The following KBTBD11 variants were observed in gnomAD, a reference collection of about 807,000 sequenced individuals.
The protein encoded by KBTBD11 is kelch repeat and BTB domain-containing protein 11.
For synonymous variants in KBTBD11, 747 were observed against 499.0 expected, an observed-to-expected ratio of 1.50 and a Z score of -6.63; for missense variants, 1,390 against 1,001.8, an observed-to-expected ratio of 1.39 and a Z score of -5.23.
chr8:2,002,513 C>G lies in KBTBD11; in HGVS notation c.1321C>G (p.Leu441Val). 1 of 1,519,720 alleles carries G rather than the reference C, an allele frequency of 6.6e-7. No homozygotes were observed. The allele number at this position is 1,519,720 out of a possible 1,614,324, so 94.1% of individuals were successfully genotyped here. A position where few individuals can be genotyped will look rare whatever the true frequency, so the allele number is the denominator to read the frequency against. Residue 441 changes from leucine to valine, a missense_variant, in exon 2 of 2, where the codon CTG (leucine) becomes GTG (valine). Leu to Val is a conservative substitution (Grantham distance 32, BLOSUM62 1). Coordinates refer to ENST00000320248, the MANE Select transcript of KBTBD11 (RefSeq NM_014867.3). This position sits in a 1 kb window ranked among gnomAD's most constrained non-coding sequence, Gnocchi z 4.1. Reference protein sequence around the residue: ...RADRWAPVAPLPRGAFAVAHE... With the variant: ...RADRWAPVAPVPRGAFAVAHE... ...CGACCGCTGGGCCCCCGTGGCGCCGCTGCCCCGGGGCGCCTTCGCCGTGGC... is the reference window on the plus strand; with the variant it reads ...CGACCGCTGGGCCCCCGTGGCGCCGGTGCCCCGGGGCGCCTTCGCCGTGGC...
intron 1 of KBTBD11, among the ~76,000 whole-genome samples, chr8:1,977,846 A>T (rs1816401988): frequency 6.6e-6 from 1 of 152,076 alleles, no homozygotes; most frequent in South Asian, 2.1e-4. Context: ...CAGAGCAATT[A>T]TTTTTTAAAA....
intron 1 of KBTBD11, chr8:1,974,795 A>G: frequency 1.5e-6 from 1 of 669,542 alleles, no homozygotes; most frequent in Non-Finnish European, 1.8e-6. Flanking sequence ...GTCCTACAAA[A>G]CCACGTTTCC....
intron 1 of KBTBD11, among the ~76,000 whole-genome samples, chr8:1,978,031 G>T (rs1267154515): frequency 8.5e-5 from 13 of 152,164 alleles, no homozygotes; most frequent in Non-Finnish European, 1.9e-4. Context: ...GGGTACATGT[G>T]CGGGAGGTGC....
In KBTBD11 at chr8:2,000,571, C is replaced by G. The variant is rs149268412; in HGVS notation, c.-622C>G. ...CAGAGAAGGAGAGCCCATAAGGGGA[C>G]TCTTTTCAAGACACGGTGTTAAATC... On this transcript the variant is annotated 5_prime_UTR_variant, in exon 2 of 2. Transcript: ENST00000320248. The G allele has an allele frequency of 1.3e-5, 2 of 152,368 alleles. No homozygotes were observed. Among genetic ancestry groups the G allele is most frequent in the Non-Finnish European group, 2.9e-5 (2 of 68,080 alleles). 9.4% of individuals were successfully genotyped at this position (152,368 alleles called of 1,614,324 possible).
At chr8:1,993,319 A>G (rs1816986482) in intron 1 of KBTBD11, among the ~76,000 whole-genome samples, 2 of 152,020 alleles carry the variant, frequency 1.3e-5, no homozygotes, top group South Asian at 4.2e-4. Context: ...TCATCCATCC[A>G]TCTATCCATC....
intron 1 of KBTBD11, among the ~76,000 whole-genome samples, chr8:1,996,135 C>T (rs886481689): frequency 3.6e-4 from 55 of 152,270 alleles, no homozygotes; most frequent in African/African-American, 1.2e-3. Context: ...TCATTGGCTA[C>T]TTAACTGTGT....
chr8:1,992,677 T>C (rs1816962803), intron 1 of KBTBD11, among the ~76,000 whole-genome samples: 1 of 152,128 alleles, frequency 6.6e-6, no homozygotes, highest in Admixed American at 6.5e-5. Context: ...TTAAGACTTT[T>C]TCAAGTTGGT....
At chr8:1,997,525 C>G (rs1327821583) in intron 1 of KBTBD11, among the ~76,000 whole-genome samples, 1 of 152,242 alleles carries the variant, frequency 6.6e-6, no homozygotes, top group African/African-American at 2.4e-5. Flanking sequence ...CAGGGAGACC[C>G]GCGGCAGGGC....
chr8:1,990,192 T>TGCC, intron 1 of KBTBD11, among the ~76,000 whole-genome samples: 1 of 151,056 alleles, frequency 6.6e-6, no homozygotes, highest in East Asian at 2.0e-4. Flanking sequence ...GGGTAGATGC[T>TGCC]GGGCCTTGGC....
In KBTBD11 at chr8:2,002,953, G is replaced by C; in HGVS notation, c.1761G>C (p.Gln587His). The C allele has an allele frequency of 3.0e-6, 4 of 1,317,608 alleles. No homozygotes were observed. The highest frequency in any genetic ancestry group is 3.9e-6 in the Non-Finnish European group (4 of 1,035,064). 81.6% of individuals were successfully genotyped at this position (1,317,608 alleles called of 1,614,324 possible). A position where few individuals can be genotyped will look rare whatever the true frequency, so the allele number is the denominator to read the frequency against. The change falls in exon 2 of 2, where the codon CAG becomes CAC. Residue 587 changes from glutamine (Q) to histidine (H), a missense_variant. Gln to His is a conservative substitution (Grantham distance 24). Coordinates refer to ENST00000320248, the MANE Select transcript of KBTBD11 (RefSeq NM_014867.3). The surrounding 1 kb of genome is among the most constrained non-coding windows in gnomAD (Gnocchi z 4.1). The stretch of plus-strand genomic sequence containing the variant: ...GCGAGGCCGGCGGCGACGCAGGCCA[G>C]GGCGGCGGCTTCGAGGCGCTGGGCG... ...REGEAGGDAGQGGGFEALGAP... is the reference protein window; with the variant it reads ...REGEAGGDAGHGGGFEALGAP...
chr8:1,989,753 G>A (rs1816839488), intron 1 of KBTBD11, among the ~76,000 whole-genome samples: 1 of 152,098 alleles, frequency 6.6e-6, no homozygotes, highest in African/African-American at 2.4e-5. Flanking sequence ...CTTGCGTCTG[G>A]CTGCGAACCT....
chr8:1,998,102 T>G (rs1817211543), intron 1 of KBTBD11, among the ~76,000 whole-genome samples: 1 of 152,230 alleles, frequency 6.6e-6, no homozygotes, highest in Admixed American at 6.5e-5. Context: ...AAATCTGAAC[T>G]GTTTTGAGTG....
At chr8:1,993,935 AC>A (rs1186504922) in intron 1 of KBTBD11, among the ~76,000 whole-genome samples, 1 of 150,284 alleles carries the variant, frequency 6.7e-6, no homozygotes, top group Non-Finnish European at 1.5e-5. Flanking sequence ...ACACACACAC[AC>A]ACACACACAC....
Position 1,993,487 on chromosome 8 carries a change from GTCCA to G in KBTBD11, c.-908-6794_-908-6791del, listed in dbSNP as rs1347053210. ...CATCTGTCTATCCATCCATCTATCC[GTCCA>G]TCCGTCCATCCATCCATCCATCCAT... is the stretch of plus-strand genomic sequence containing the variant. On this transcript the variant is annotated intron_variant, in intron 1 of 1. Coordinates refer to ENST00000320248, the MANE Select transcript of KBTBD11 (RefSeq NM_014867.3). Among the ~76,000 whole-genome samples the G allele has an allele frequency of 1.6e-4, 9 of 55,958 alleles. 1 individual carries two copies. The highest frequency in any genetic ancestry group is 9.3e-5 in the African/African-American group (2 of 21,438). 36.7% of individuals were successfully genotyped at this position (55,958 alleles called of 152,430 possible). A position where few individuals can be genotyped will look rare whatever the true frequency, so the allele number is the denominator to read the frequency against.
At chr8:1,989,957 C>G (rs1314002920) in intron 1 of KBTBD11, among the ~76,000 whole-genome samples, 1 of 111,710 alleles carries the variant, frequency 9.0e-6, no homozygotes, top group Non-Finnish European at 1.7e-5. Context: ...TTTGAGGCCT[C>G]TTGTTGAAGG....
rs1301217259 is a variant in KBTBD11 at position 2,002,520 on chromosome 8, G to C, written c.1328G>C (p.Arg443Pro). 1 of 1,529,318 alleles carries C rather than the reference G, an allele frequency of 6.5e-7. No individual in the cohort carries two copies. Among genetic ancestry groups the C allele is most frequent in the East Asian group, 2.5e-5 (1 of 39,834 alleles). The allele number at this position is 1,529,318 out of a possible 1,614,324, so 94.7% of individuals were successfully genotyped here. ...DRWAPVAPLP[R>P]GAFAVAHEAT... ...TGGGCCCCCGTGGCGCCGCTGCCCC[G>C]GGGCGCCTTCGCCGTGGCGCATGAG... is the stretch of plus-strand genomic sequence containing the variant. The change falls in exon 2 of 2, where the codon CGG becomes CCG. Residue 443 changes from arginine to proline, a missense_variant. Physicochemically the swap from Arg to Pro is moderately radical, Grantham distance 103 (BLOSUM62 -2). Transcript: ENST00000320248. This position sits in a 1 kb window ranked among gnomAD's most constrained non-coding sequence, Gnocchi z 4.1.
intron 1 of KBTBD11, among the ~76,000 whole-genome samples, chr8:1,985,462 C>T (rs940543836): frequency 5.9e-5 from 9 of 152,280 alleles, no homozygotes; most frequent in South Asian, 2.1e-4. Context: ...TCCACAGCAG[C>T]GTCTGTCCTG....
At chr8:1,993,571 A>G in intron 1 of KBTBD11, among the ~76,000 whole-genome samples, 1 of 111,790 alleles carries the variant, frequency 8.9e-6, no homozygotes. Context: ...CCATCCATCC[A>G]TCCATCCATC....
At chr8:1,980,350 C>T (rs1398887074) in intron 1 of KBTBD11, among the ~76,000 whole-genome samples, 4 of 152,012 alleles carry the variant, frequency 2.6e-5, no homozygotes, top group Non-Finnish European at 4.4e-5. Context: ...CCTCACCCTC[C>T]GGAGTAGCTG....
Sources: allele counts gnomAD v4.1 joint callset (sites outside exome capture counted in the v4.1 genomes callset), GRCh38; gene constraint gnomAD v4.1.1; non-coding constraint Gnocchi (gnomAD v3.1); transcripts MANE v1.5; gene names NCBI Gene and HGNC (gene_info 2026-07-23, HGNC 2026-07-21).